Variants in FHIT observed in about 807,000 individuals in gnomAD.
FHIT encodes bis(5'-adenosyl)-triphosphatase.
A neutral mutation model predicts 17.9 loss-of-function variants in FHIT; 19 were observed. The ratio of observed to expected loss-of-function variants is 1.06; its 90% confidence interval spans 0.74 to 1.56. FHIT has a LOEUF of 1.56. Among genes scored for constraint, FHIT ranks in the 40% most tolerant of loss-of-function variants. The pLI, the probability that FHIT is intolerant of heterozygous loss-of-function variation, is 0.00. For missense variants in FHIT, 248 were observed against 189.2 expected, an observed-to-expected ratio of 1.31 and a Z score of -1.82; for synonymous variants, 81 against 69.7, an observed-to-expected ratio of 1.16 and a Z score of -0.81.
chr3:60,335,631 T>TGTAA lies in FHIT; in HGVS notation c.103+201228_103+201229insTTAC, dbSNP rs111318812. 3.1e-3 allele frequency among the ~76,000 whole-genome samples: 467 copies of TGTAA among 152,280 alleles called. 1 individual carries two copies. Among genetic ancestry groups the TGTAA allele is most frequent in the African/African-American group, 0.011 (447 of 41,560 alleles). On this transcript the variant is annotated intron_variant, in intron 5 of 9. Coordinates refer to ENST00000492590, the MANE Select transcript of FHIT (RefSeq NM_002012.4). ...TACAGGGTTAGCCCAAATCGGGTGC[T>TGTAA]GTGTTAGATATGTCCTGGATTTCAA...
chr3:60,006,040 G>A (rs893755242), intron 7 of FHIT, among the ~76,000 whole-genome samples: 5 of 152,092 alleles, frequency 3.3e-5, no homozygotes, highest in African/African-American at 9.7e-5. Flanking sequence ...CAGAACTACC[G>A]AGTCAGCAAA....
At chr3:59,888,854 G>T (rs929618512) in intron 8 of FHIT, among the ~76,000 whole-genome samples, 2 of 152,312 alleles carry the variant, frequency 1.3e-5, no homozygotes, top group Middle Eastern at 3.4e-3. Context: ...TCTGGAGGCT[G>T]GGAAGTCCCA....
chr3:60,284,159 A>G (rs1436637801), intron 5 of FHIT, among the ~76,000 whole-genome samples: 1 of 152,174 alleles, frequency 6.6e-6, no homozygotes, highest in Non-Finnish European at 1.5e-5. Flanking sequence ...GCAAACTGAA[A>G]ATGAGAACAA....
chr3:60,318,894 C>T (rs1383692212), intron 5 of FHIT, among the ~76,000 whole-genome samples: 1 of 152,088 alleles, frequency 6.6e-6, no homozygotes, highest in African/African-American at 2.4e-5. Flanking sequence ...AATGGATTTC[C>T]ATCTTTTCCA....
At chr3:60,669,922 T>C (rs2040472004) in intron 4 of FHIT, among the ~76,000 whole-genome samples, 2 of 152,210 alleles carry the variant, frequency 1.3e-5, no homozygotes, top group African/African-American at 4.8e-5. Flanking sequence ...ACCATTGTAA[T>C]CATGCATTGT....
At chr3:60,032,603 G>A (rs1193590132) in intron 5 of FHIT, among the ~76,000 whole-genome samples, 1 of 152,116 alleles carries the variant, frequency 6.6e-6, no homozygotes, top group Non-Finnish European at 1.5e-5. Flanking sequence ...GGAGAACCAG[G>A]CTGTCACTAC....
intron 5 of FHIT, among the ~76,000 whole-genome samples, chr3:60,221,656 C>T (rs775787185): frequency 1.3e-5 from 2 of 152,070 alleles, no homozygotes; most frequent in Non-Finnish European, 2.9e-5. Context: ...TGAAACACGG[C>T]GCACACCTGT....
At chr3:60,320,209 C>T (rs927674395) in intron 5 of FHIT, among the ~76,000 whole-genome samples, 1 of 152,148 alleles carries the variant, frequency 6.6e-6, no homozygotes, top group Non-Finnish European at 1.5e-5. Context: ...GTTAAGCTTC[C>T]TCTTCATTTC....
At chr3:60,094,989 G>A (rs1703882804) in intron 5 of FHIT, among the ~76,000 whole-genome samples, 1 of 152,194 alleles carries the variant, frequency 6.6e-6, no homozygotes, top group African/African-American at 2.4e-5. Context: ...CAGAAGCAGG[G>A]AATTATTTTT....
chr3:60,907,131 A>G (rs1706469625), intron 3 of FHIT, among the ~76,000 whole-genome samples: 1 of 152,176 alleles, frequency 6.6e-6, no homozygotes, highest in South Asian at 2.1e-4. Flanking sequence ...TTCAAGGCAA[A>G]ACAAAACACA....
intron 5 of FHIT, among the ~76,000 whole-genome samples, chr3:60,266,820 T>C (rs1047183513): frequency 3.9e-5 from 6 of 151,994 alleles, no homozygotes; most frequent in Admixed American, 2.6e-4. Flanking sequence ...CATGAACATC[T>C]TGAGAAGGTA....
chr3:59,911,938 G>C (rs191422717), intron 8 of FHIT, among the ~76,000 whole-genome samples: 1 of 152,320 alleles, frequency 6.6e-6, no homozygotes, highest in East Asian at 1.9e-4. Context: ...ATGAAGATGA[G>C]TAAGATGCCT....
At chr3:61,218,759 A>G (rs2039755138) in intron 1 of FHIT, among the ~76,000 whole-genome samples, 1 of 152,154 alleles carries the variant, frequency 6.6e-6, no homozygotes, top group South Asian at 2.1e-4. Context: ...CTATTGTCTT[A>G]ATGCACTACT....
chr3:60,041,543 G>A (rs963816367), intron 5 of FHIT, among the ~76,000 whole-genome samples: 18 of 152,194 alleles, frequency 1.2e-4, no homozygotes, highest in Admixed American at 3.9e-4. Context: ...AAGGAGCACA[G>A]GATCAGAACA....
chr3:59,859,616 G>C (rs1177343176), intron 8 of FHIT, among the ~76,000 whole-genome samples: 1 of 152,202 alleles, frequency 6.6e-6, no homozygotes, highest in East Asian at 1.9e-4. Flanking sequence ...CTACTCCAGA[G>C]GCTGAGGCAG....
At chr3:60,686,635 G>A (rs2040868432) in intron 4 of FHIT, among the ~76,000 whole-genome samples, 1 of 152,064 alleles carries the variant, frequency 6.6e-6, no homozygotes, top group African/African-American at 2.4e-5. Context: ...GCCTGTGTAT[G>A]TATATTCCAA....
intron 2 of FHIT, among the ~76,000 whole-genome samples, chr3:61,145,917 C>T (rs1248887285): frequency 6.6e-6 from 1 of 151,910 alleles, no homozygotes; most frequent in African/African-American, 2.4e-5. Flanking sequence ...AGTGAATTTG[C>T]CAGTGCACTT....
intron 3 of FHIT, among the ~76,000 whole-genome samples, chr3:60,852,287 T>C (rs976719780): frequency 6.6e-6 from 1 of 152,106 alleles, no homozygotes; most frequent in Non-Finnish European, 1.5e-5. Flanking sequence ...AACTACACCA[T>C]TGGGTCTCCT....
chr3:61,210,373 C>T (rs140906384), intron 1 of FHIT, among the ~76,000 whole-genome samples: 5,089 of 152,162 alleles, frequency 0.033, 115 homozygotes, highest in African/African-American at 0.052. Context: ...GTTACTGCTG[C>T]CTTTTGTTTG....
Sources: gnomAD v4.1 joint callset for allele counts (sites outside exome capture counted in the v4.1 genomes callset) on GRCh38, gnomAD v4.1.1 for gene constraint, MANE v1.5 for transcripts, NCBI Gene and HGNC (gene_info 2026-07-23, HGNC 2026-07-21) for gene names.